TRMT2B: variants seen among roughly 807,000 people sequenced by gnomAD.
The protein encoded by TRMT2B is tRNA (uracil-5-)-methyltransferase homolog B.
TRMT2B carries 34 observed loss-of-function variants against 39.7 expected under a neutral mutation model. The ratio of observed to expected loss-of-function variants is 0.86; its 90% CI spans 0.65 to 1.14. The LOEUF is 1.14. Among genes scored for constraint, TRMT2B ranks in the 50% most tolerant of loss-of-function variants. The pLI, the probability that TRMT2B is intolerant of heterozygous loss-of-function variation, is 0.00. For synonymous variants in TRMT2B, 132 were observed against 137.3 expected, an observed-to-expected ratio of 0.96 and a Z score of 0.27; for missense variants, 318 against 377.2, an observed-to-expected ratio of 0.84 and a Z score of 1.30.
At position 101,009,779 on chromosome X, in the gene TRMT2B, T is replaced by C. The variant is rs938243337; in HGVS notation, c.*802A>G. The C allele has an allele frequency of 3.3e-5, 3 of 91,572 alleles. No individual in the cohort carries two copies. The highest frequency in any genetic ancestry group is 1.1e-4 in the African/African-American group (3 of 28,121). The allele number at this position is 91,572 out of a possible 1,213,427, so 7.5% of individuals were successfully genotyped here. On this transcript the variant is annotated 3_prime_UTR_variant, in exon 14 of 14. Coordinates refer to ENST00000372936, the MANE Select transcript of TRMT2B (RefSeq NM_024917.6). ...AGAATTAATCTCATCTGATGATCAC[T>C]CAGTCACCCTGTATTCACTTCATGG... is the stretch of plus-strand genomic sequence containing the variant.
intron 7 of TRMT2B, among the ~76,000 whole-genome samples, chrX:101,030,842 A>G (rs1858973439): frequency 9.0e-6 from 1 of 111,158 alleles, no homozygotes; most frequent in Non-Finnish European, 1.9e-5. Context: ...ATAATTTTTT[A>G]TAGGAACTGA....
At chrX:100,976,255 T>C in the TRMT2B span, among the ~76,000 whole-genome samples, 1 of 110,249 alleles carries the variant, frequency 9.1e-6, no homozygotes, top group Non-Finnish European at 1.9e-5. Context: ...GGGTTTCTGA[T>C]GGCCAGCCAG....
At chrX:100,993,031 T>C in the TRMT2B span, among the ~76,000 whole-genome samples, 1 of 112,201 alleles carries the variant, frequency 8.9e-6, no homozygotes, top group Non-Finnish European at 1.9e-5. Flanking sequence ...TTTGCTCTTA[T>C]CTTCAAGGAA....
At chrX:101,025,994 G>A (rs2087052745) in intron 7 of TRMT2B, among the ~76,000 whole-genome samples, 1 of 98,096 alleles carries the variant, frequency 1.0e-5, no homozygotes, top group African/African-American at 3.7e-5. Flanking sequence ...AGGGAGGGAG[G>A]GAAAGAAAGA....
chrX:101,035,619 C>T lies in TRMT2B; in HGVS notation c.603G>A (p.Val201=). 1 of 1,210,395 alleles carries T rather than the reference C, an allele frequency of 8.3e-7. No individual in the cohort carries two copies. The highest frequency in any genetic ancestry group is 1.1e-6 in the Non-Finnish European group (1 of 894,267). The part of the protein sequence containing the change: ...LKNIPEKHSQ[V]AQYYEVFLRQ... ...AGCTCTTGTTCCATTTTACCTGCGC[C>T]ACTTGACTGTGTTTCTCAGGGATGT... The change falls in exon 7 of 14, where the codon GTG becomes GTA. Residue 201 remains valine (V), a synonymous_variant. Coordinates refer to ENST00000372936, the MANE Select transcript of TRMT2B (RefSeq NM_024917.6).
chrX:100,973,506 C>T, the TRMT2B span, among the ~76,000 whole-genome samples: 4 of 111,311 alleles, frequency 3.6e-5, no homozygotes, highest in African/African-American at 1.3e-4. Context: ...CGGGCGGCGG[C>T]GGCTGCCTTC....
In TRMT2B at chrX:101,019,362, T is replaced by C; in HGVS notation, c.1210A>G (p.Ile404Val). The C allele has an allele frequency of 8.3e-7, 1 of 1,211,169 alleles. No individual in the cohort carries two copies. Among genetic ancestry groups the C allele is most frequent in the Non-Finnish European group, 1.1e-6 (1 of 895,453 alleles). ...TTTGACTTTAGCAGCCCTGGCAAAA[T>C]CTTCTCTGCTTGACCAGTATGAAAT... ...SEFHTGQAEK[I>V]LPGLLKSKED... The change falls in exon 12 of 14, where the codon ATT (isoleucine) becomes GTT (valine). Residue 404 changes from isoleucine (I) to valine (V), a missense_variant. Transcript: ENST00000372936.
chrX:100,985,553 G>C, the TRMT2B span: 1 of 887,793 alleles, frequency 1.1e-6, no homozygotes, highest in Non-Finnish European at 1.6e-6. Flanking sequence ...CCTCTGCATA[G>C]TACTTCCCAG....
the TRMT2B span, among the ~76,000 whole-genome samples, chrX:100,978,598 T>C: frequency 2.7e-5 from 3 of 111,274 alleles, no homozygotes; most frequent in African/African-American, 9.8e-5. Context: ...AGATGAAGTG[T>C]GTTTCTTGTA....
intron 2 of TRMT2B, among the ~76,000 whole-genome samples, chrX:101,046,003 G>A (rs1380952723): frequency 3.8e-5 from 4 of 106,326 alleles, no homozygotes; most frequent in South Asian, 4.2e-4. Context: ...AAAATTAGCC[G>A]GGCATGGTGG....
intron 3 of TRMT2B, 90 bp downstream of exon 3, chrX:101,041,952 T>C: frequency 1.8e-6 from 2 of 1,102,552 alleles, no homozygotes; most frequent in Admixed American, 2.4e-5. Flanking sequence ...ATCCTTGTAA[T>C]GCTACATTAG....
chrX:100,973,745 G>A, the TRMT2B span: 12 of 1,209,930 alleles, frequency 9.9e-6, no homozygotes, highest in East Asian at 3.0e-4. Context: ...GAAGAGACAC[G>A]AAGGTAATAT....
At chrX:101,048,151 C>CACACAG (rs1556364309) in intron 2 of TRMT2B, among the ~76,000 whole-genome samples, 216 of 103,270 alleles carry the variant, frequency 2.1e-3, no homozygotes, top group Non-Finnish European at 3.2e-3. Context: ...CACACACACA[C>CACACAG]AGAGAAAATT....
At chrX:101,003,348 C>CT in the TRMT2B span, among the ~76,000 whole-genome samples, 2 of 97,744 alleles carry the variant, frequency 2.0e-5, no homozygotes, top group African/African-American at 3.7e-5. Context: ...CATCCGATAG[C>CT]TTTTTTTTTT....
the TRMT2B span, among the ~76,000 whole-genome samples, chrX:101,002,891 C>T: frequency 4.5e-5 from 5 of 110,668 alleles, no homozygotes; most frequent in East Asian, 5.6e-4. Flanking sequence ...AGTGGGTACA[C>T]GAAAATAAAA....
intron 12 of TRMT2B, 45 bp from the exon 13 acceptor site, chrX:101,019,115 G>A (rs1415285641): frequency 1.8e-6 from 2 of 1,096,474 alleles, no homozygotes; most frequent in African/African-American, 3.6e-5. Context: ...AACTACCATG[G>A]TCTCTGTTAT....
Position 101,020,699 on chromosome X carries a change from T to C in TRMT2B, c.1067-111A>G, listed in dbSNP as rs1032635586. 1.8e-5 allele frequency: 11 copies of C among 610,593 alleles called. No individual in the cohort carries two copies. The African/African-American group carries it at 2.2e-4, about 12-fold the overall frequency. 50.3% of individuals were successfully genotyped at this position (610,593 alleles called of 1,213,427 possible). ...TTGTTTGTTTGTTTTAAACAGGGTC[T>C]CACTCTGTAGCCTAGGCTGGAGTGC... On this transcript the variant is annotated intron_variant, in intron 10 of 13. Transcript: ENST00000372936.
At chrX:100,981,152 G>A in the TRMT2B span, among the ~76,000 whole-genome samples, 1 of 111,431 alleles carries the variant, frequency 9.0e-6, no homozygotes, top group Non-Finnish European at 1.9e-5. Context: ...TCCAGGAACC[G>A]CAGTCCTTGT....
At chrX:101,023,388 C>A in intron 8 of TRMT2B, 82 bp downstream of exon 8, 1 of 1,009,353 alleles carries the variant, frequency 9.9e-7, no homozygotes, top group East Asian at 3.1e-5. Flanking sequence ...CTGCTATATG[C>A]CCTGAAACTT....
Sources: gnomAD v4.1 joint callset for allele counts (sites outside exome capture counted in the v4.1 genomes callset) on GRCh38, gnomAD v4.1.1 for gene constraint, MANE v1.5 for transcripts, NCBI Gene and HGNC (gene_info 2026-07-23, HGNC 2026-07-21) for gene names.